The following CCSER1 variants were observed in gnomAD, a reference collection of about 807,000 sequenced individuals.
The protein encoded by CCSER1 is coiled-coil serine rich protein 1, also known as serine-rich coiled-coil domain-containing protein 1.
CCSER1 carries 41 observed loss-of-function variants against 82.0 expected under a neutral mutation model. That is an observed-to-expected ratio of 0.50 (90% CI 0.39 to 0.65). CCSER1 has a LOEUF of 0.65. Ranked by LOEUF, CCSER1 falls within the 30% of genes least tolerant of loss-of-function variation. The pLI is 0.00. For synonymous variants in CCSER1, 414 were observed against 383.9 expected (o/e 1.08, Z -0.92); for missense variants, 1,119 against 1,064.2 (o/e 1.05, Z -0.72).
intron 6 of CCSER1, among the ~76,000 whole-genome samples, chr4:90,640,414 A>G (rs1726280257): frequency 6.6e-6 from 1 of 152,182 alleles, no homozygotes; most frequent in African/African-American, 2.4e-5. Context: ...TTAATCAAGA[A>G]TGATAAACAA....
At chr4:90,356,049 T>G (rs945157276) in intron 3 of CCSER1, among the ~76,000 whole-genome samples, 3 of 151,952 alleles carry the variant, frequency 2.0e-5, no homozygotes, top group Non-Finnish European at 4.4e-5. Flanking sequence ...TTGATTCACT[T>G]GACATCGTGT....
chr4:90,773,136 G>T (rs111962127), intron 7 of CCSER1, among the ~76,000 whole-genome samples: 1,826 of 152,174 alleles, frequency 0.012, 40 homozygotes, highest in African/African-American at 0.042. Flanking sequence ...GCTACTCAGG[G>T]GGCTGAGGAA....
chr4:90,849,605 C>T (rs771062822), intron 8 of CCSER1, among the ~76,000 whole-genome samples: 7 of 151,512 alleles, frequency 4.6e-5, no homozygotes, highest in South Asian at 2.1e-4. Context: ...CTGGCTAACA[C>T]GGTGAAACTC....
At chr4:90,306,073 C>G (rs574575544) in intron 1 of CCSER1, among the ~76,000 whole-genome samples, 1 of 152,198 alleles carries the variant, frequency 6.6e-6, no homozygotes, top group South Asian at 2.1e-4. Flanking sequence ...AACCTAGACA[C>G]AGAAAGACAA....
In CCSER1 at chr4:90,718,777, A is replaced by G. The variant is rs184477615; in HGVS notation, c.1933-5137A>G. ...GTTATATTGCTAATGAAGAATTTTTAAAATAAACTTTTAATTGGGGAATAG... is the reference window on the plus strand; with the variant it reads ...GTTATATTGCTAATGAAGAATTTTTGAAATAAACTTTTAATTGGGGAATAG... On this transcript the variant is annotated intron_variant, in intron 6 of 10. Transcript: ENST00000509176. Among the ~76,000 whole-genome samples, 63 of 152,288 alleles carry G rather than the reference A, an allele frequency of 4.1e-4. 1 individual carries two copies. The East Asian group carries it at 5.0e-3, about 12-fold the overall frequency.
At chr4:90,829,327 G>C (rs1053045312) in intron 8 of CCSER1, among the ~76,000 whole-genome samples, 1 of 152,034 alleles carries the variant, frequency 6.6e-6, no homozygotes, top group Admixed American at 6.6e-5. Context: ...TTTTTAGATA[G>C]AATGGTTTAT....
chr4:91,426,134 G>A (rs184113829), intron 10 of CCSER1, among the ~76,000 whole-genome samples: 169 of 152,118 alleles, frequency 1.1e-3, no homozygotes, highest in African/African-American at 3.5e-3. Flanking sequence ...GAGCACATGC[G>A]GTGTTTGGTT....
intron 1 of CCSER1, among the ~76,000 whole-genome samples, chr4:90,144,553 G>GT (rs1725453073): frequency 2.6e-5 from 4 of 152,136 alleles, no homozygotes; most frequent in Admixed American, 2.6e-4. Context: ...GTAAACTCCT[G>GT]TTTAAGCAGT....
intron 1 of CCSER1, among the ~76,000 whole-genome samples, chr4:90,147,045 T>C (rs923457385): frequency 6.6e-6 from 1 of 151,962 alleles, no homozygotes; most frequent in African/African-American, 2.4e-5. Flanking sequence ...TTTACTTAGT[T>C]GTTTAATTCA....
chr4:91,294,265 G>T (rs1743990003), intron 10 of CCSER1, among the ~76,000 whole-genome samples: 1 of 151,882 alleles, frequency 6.6e-6, no homozygotes, highest in Admixed American at 6.6e-5. Flanking sequence ...ATGGGTTATA[G>T]TTTGTGCAAA....
intron 10 of CCSER1, among the ~76,000 whole-genome samples, chr4:91,501,780 G>T (rs112304317): frequency 1.3e-5 from 2 of 151,922 alleles, no homozygotes; most frequent in African/African-American, 2.4e-5. Context: ...ATTAGTAAGA[G>T]AACTCAATTT....
intron 10 of CCSER1, among the ~76,000 whole-genome samples, chr4:91,489,537 G>A (rs1215771294): frequency 6.6e-6 from 1 of 152,122 alleles, no homozygotes; most frequent in Non-Finnish European, 1.5e-5. Context: ...GGGCACGGTG[G>A]CTCATGCCTG....
intron 3 of CCSER1, among the ~76,000 whole-genome samples, chr4:90,359,183 A>G (rs1221300223): frequency 6.6e-6 from 1 of 152,192 alleles, no homozygotes; most frequent in African/African-American, 2.4e-5. Context: ...AACAACAGAA[A>G]GAAAAGACCA....
intron 9 of CCSER1, among the ~76,000 whole-genome samples, chr4:91,046,340 T>C (rs958897024): frequency 7.1e-6 from 1 of 141,620 alleles, no homozygotes; most frequent in South Asian, 2.3e-4. Flanking sequence ...GTATAGTTTT[T>C]CATTTTTAGA....
intron 9 of CCSER1, among the ~76,000 whole-genome samples, chr4:91,053,668 G>T (rs1743191586): frequency 6.6e-6 from 1 of 152,160 alleles, no homozygotes; most frequent in South Asian, 2.1e-4. Context: ...ATCCCCAGAT[G>T]CAATCACTGT....
intron 5 of CCSER1, among the ~76,000 whole-genome samples, chr4:90,520,677 A>G (rs1029301102): frequency 1.3e-5 from 2 of 152,234 alleles, no homozygotes; most frequent in African/African-American, 4.8e-5. Flanking sequence ...CAAATGTGCA[A>G]AGTTCTTTTA....
chr4:90,426,153 G>T (rs1757501866), intron 4 of CCSER1, among the ~76,000 whole-genome samples: 1 of 152,118 alleles, frequency 6.6e-6, no homozygotes, highest in South Asian at 2.1e-4. Flanking sequence ...GGAGTCAGTG[G>T]CATCAGATGA....
At chr4:90,319,128 A>G (rs1385627384) in intron 3 of CCSER1, among the ~76,000 whole-genome samples, 1 of 152,100 alleles carries the variant, frequency 6.6e-6, no homozygotes, top group Non-Finnish European at 1.5e-5. Flanking sequence ...TCTTTTGTTC[A>G]TTTCTCTAAC....
At chr4:91,308,657 G>C (rs182759584) in intron 10 of CCSER1, among the ~76,000 whole-genome samples, 263 of 152,098 alleles carry the variant, frequency 1.7e-3, no homozygotes, top group African/African-American at 5.9e-3. Flanking sequence ...ATATTTGGAA[G>C]TGTACATAAA....
Sources: gnomAD v4.1 joint callset for allele counts (sites outside exome capture counted in the v4.1 genomes callset) on GRCh38, gnomAD v4.1.1 for gene constraint, MANE v1.5 for transcripts, NCBI Gene and HGNC (gene_info 2026-07-23, HGNC 2026-07-21) for gene names.